MAGI2: variants seen among roughly 807,000 people sequenced by gnomAD.
The protein encoded by MAGI2 is membrane associated guanylate kinase, WW and PDZ domain containing 2.
Under a neutral mutation model 133.3 loss-of-function variants are expected in MAGI2, and 35 were observed. That is an observed-to-expected ratio of 0.26 (90% CI 0.20 to 0.35). MAGI2 has a LOEUF of 0.35. MAGI2 is among the 10% of genes least tolerant of loss of function. The pLI is 1.00. For synonymous variants in MAGI2, 729 were observed against 710.6 expected (o/e 1.03, Z -0.41); for missense variants, 1,636 against 1,863.4 (o/e 0.88, Z 2.25).
intron 6 of MAGI2, among the ~76,000 whole-genome samples, chr7:78,475,261 G>A (rs1262822709): frequency 6.6e-6 from 1 of 151,906 alleles, no homozygotes; most frequent in African/African-American, 2.4e-5. Context: ...ATTAAATGGA[G>A]TGATACAAAA....
intron 1 of MAGI2, among the ~76,000 whole-genome samples, chr7:79,445,376 G>A (rs531546583): frequency 4.3e-4 from 66 of 152,244 alleles, no homozygotes; most frequent in South Asian, 3.1e-3. Context: ...GAGTGAATAG[G>A]CAACCTACAG....
chr7:78,670,761 T>C (rs891023356), intron 2 of MAGI2, among the ~76,000 whole-genome samples: 2 of 151,812 alleles, frequency 1.3e-5, no homozygotes, highest in Non-Finnish European at 2.9e-5. Context: ...CCTCAGAAAG[T>C]TGATCTTTAA....
chr7:78,135,411 T>C (rs138854199), intron 16 of MAGI2, among the ~76,000 whole-genome samples: 234 of 152,332 alleles, frequency 1.5e-3, no homozygotes, highest in African/African-American at 5.4e-3. Flanking sequence ...TTTGCAGTGA[T>C]AGGCCAATTC....
chr7:78,583,324 C>T, intron 3 of MAGI2: 1 of 162,524 alleles, frequency 6.2e-6, no homozygotes, highest in South Asian at 1.2e-4. Context: ...TGGTGAAACA[C>T]CGTCTCTACT....
At chr7:79,300,750 G>T (rs1284961236) in intron 1 of MAGI2, among the ~76,000 whole-genome samples, 1 of 152,166 alleles carries the variant, frequency 6.6e-6, no homozygotes, top group Non-Finnish European at 1.5e-5. Context: ...ATGGGAAAAA[G>T]GCCCTGAAGG....
chr7:78,784,185 C>A (rs1826620683), intron 2 of MAGI2, among the ~76,000 whole-genome samples: 1 of 148,494 alleles, frequency 6.7e-6, no homozygotes, highest in Admixed American at 6.8e-5. Flanking sequence ...CAAGTGTAAA[C>A]CATGTCAAAT....
chr7:78,343,773 C>T lies in MAGI2; in HGVS notation c.1408+5G>A, dbSNP rs773093689. On this transcript the variant is annotated splice_donor_5th_base_variant and intron_variant, in intron 9 of 21. Coordinates refer to ENST00000354212, the MANE Select transcript of MAGI2 (RefSeq NM_012301.4). ...AACAATTTTCTAAACCATGAAGGAC[C>T]TTACCTGTTTCCATTTTTCCATCCT... is the stretch of plus-strand genomic sequence containing the variant. 24 of 1,541,916 alleles carry T rather than the reference C, an allele frequency of 1.6e-5. No homozygotes were observed. The highest frequency in any genetic ancestry group is 1.9e-5 in the Non-Finnish European group (22 of 1,147,932).
intron 1 of MAGI2, among the ~76,000 whole-genome samples, chr7:79,312,893 T>TC (rs1396390214): frequency 6.6e-6 from 1 of 152,024 alleles, no homozygotes; most frequent in Non-Finnish European, 1.5e-5. Flanking sequence ...GGCACCCTCC[T>TC]CCCCCTCCAC....
intron 21 of MAGI2, among the ~76,000 whole-genome samples, chr7:78,024,942 T>C (rs910601990): frequency 2.0e-5 from 3 of 152,232 alleles, no homozygotes; most frequent in Non-Finnish European, 4.4e-5. Context: ...AGTGATTATC[T>C]GTATAACATT....
At chr7:79,293,771 C>T (rs1441081470) in intron 1 of MAGI2, among the ~76,000 whole-genome samples, 1 of 152,204 alleles carries the variant, frequency 6.6e-6, no homozygotes, top group Non-Finnish European at 1.5e-5. Flanking sequence ...ACCGGGAGAC[C>T]TCTCAGGCCT....
intron 2 of MAGI2, among the ~76,000 whole-genome samples, chr7:78,760,455 TG>T (rs1824393891): frequency 1.3e-5 from 2 of 149,790 alleles, no homozygotes; most frequent in Admixed American, 1.3e-4. Context: ...CTCCACCTCC[TG>T]GGTTCGAGCG....
chr7:78,054,463 G>A lies in MAGI2; in HGVS notation c.3706+24484C>T, dbSNP rs149056168. On this transcript the variant is annotated intron_variant, in intron 21 of 21. Transcript: ENST00000354212. ...TTTTATTCTGGGATGCTGAAGACTG[G>A]AGAGGCAGGAATTCTGTCTTTAAAA... is the stretch of plus-strand genomic sequence containing the variant. Among the ~76,000 whole-genome samples, 480 of 152,054 alleles carry A rather than the reference G, an allele frequency of 3.2e-3. 2 individuals carry two copies. The highest frequency in any genetic ancestry group is 0.01 in the African/African-American group (434 of 41,490).
At chr7:79,149,883 C>A (rs1268115689) in intron 1 of MAGI2, among the ~76,000 whole-genome samples, 1 of 152,064 alleles carries the variant, frequency 6.6e-6, no homozygotes, top group Non-Finnish European at 1.5e-5. Flanking sequence ...CATTTAAATG[C>A]CTGAAATTAG....
In MAGI2 at chr7:78,999,061, T is replaced by C. The variant is rs191747957; in HGVS notation, c.418+8029A>G. ...TCTCCCCATTTATTCCTTGGGCAGC[T>C]TCTAGGACCACTGAAGTCCAAGGGT... On this transcript the variant is annotated intron_variant, in intron 2 of 21. Transcript: ENST00000354212. Among the ~76,000 whole-genome samples the C allele has an allele frequency of 5.2e-4, 79 of 152,232 alleles. No homozygotes were observed. In the East Asian group the frequency reaches 5.6e-3, roughly 11 times the overall value.
At chr7:78,781,161 G>A (rs1826361130) in intron 2 of MAGI2, among the ~76,000 whole-genome samples, 1 of 152,052 alleles carries the variant, frequency 6.6e-6, no homozygotes, top group Admixed American at 6.5e-5. Flanking sequence ...GGCAGATCAC[G>A]AGGTCAGGAG....
At chr7:78,891,048 C>T (rs1366806578) in intron 2 of MAGI2, among the ~76,000 whole-genome samples, 1 of 152,068 alleles carries the variant, frequency 6.6e-6, no homozygotes, top group Non-Finnish European at 1.5e-5. Context: ...AAGGGGATAT[C>T]ACCACCGATC....
intron 1 of MAGI2, among the ~76,000 whole-genome samples, chr7:79,022,623 T>C (rs140014818): frequency 4.9e-5 from 6 of 123,280 alleles, no homozygotes; most frequent in Admixed American, 9.1e-5. Context: ...GCTAGACTAG[T>C]AAGTTTAAAA....
intron 2 of MAGI2, among the ~76,000 whole-genome samples, chr7:78,813,119 T>C (rs772281339): frequency 6.6e-6 from 1 of 152,118 alleles, no homozygotes; most frequent in Non-Finnish European, 1.5e-5. Context: ...GGGCAAATTC[T>C]CTCAAATATT....
At chr7:79,172,608 A>G (rs941449601) in intron 1 of MAGI2, among the ~76,000 whole-genome samples, 3 of 152,072 alleles carry the variant, frequency 2.0e-5, no homozygotes, top group Admixed American at 6.6e-5. Flanking sequence ...ATGATTTTAT[A>G]CTTATTTTGG....
Sources: allele counts gnomAD v4.1 joint callset (sites outside exome capture counted in the v4.1 genomes callset), GRCh38; gene constraint gnomAD v4.1.1; transcripts MANE v1.5; gene names NCBI Gene and HGNC (gene_info 2026-07-23, HGNC 2026-07-21).